NOL4: variants seen among roughly 807,000 people sequenced by gnomAD.
The protein encoded by NOL4 is cancer/testis antigen 125.
In NOL4, 17 loss-of-function variants were observed where a neutral mutation model predicts 75.9. That is an observed-to-expected ratio of 0.22 (90% CI 0.15 to 0.34). The LOEUF is 0.34. Ranked by LOEUF, NOL4 falls within the 10% of genes least tolerant of loss-of-function variation. The pLI is 1.00. For synonymous variants in NOL4, 292 were observed against 289.9 expected, an observed-to-expected ratio of 1.01 and a Z score of -0.07; for missense variants, 614 against 793.5, an observed-to-expected ratio of 0.77 and a Z score of 2.72.
At chr18:33,892,649 C>CCTTCTT (rs112516019) in intron 9 of NOL4, among the ~76,000 whole-genome samples, 4 of 150,472 alleles carry the variant, frequency 2.7e-5, no homozygotes, top group Admixed American at 2.0e-4. Flanking sequence ...TTCTCCTTCT[C>CCTTCTT]CTTCTTCTTC....
In NOL4 at chr18:34,200,322, G is replaced by T. The variant is rs1216442997; in HGVS notation, c.264+22668C>A. ...ACGTGCCTCATAAAGAGATGAAATT[G>T]TCTCAGTACCGGTGCCAGATCGTAA... On this transcript the variant is annotated intron_variant, in intron 1 of 10. Coordinates refer to ENST00000261592, the MANE Select transcript of NOL4 (RefSeq NM_003787.5). 2.6e-5 allele frequency among the ~76,000 whole-genome samples: 4 copies of T among 151,848 alleles called. No homozygotes were observed. The East Asian group carries it at 5.8e-4, about 22-fold the overall frequency.
rs935943674 is a variant in NOL4, at chr18:34,057,559, C to A, written c.772+35906G>T. 2.6e-5 allele frequency among the ~76,000 whole-genome samples: 4 copies of A among 152,056 alleles called. No individual in the cohort carries two copies. In the East Asian group the frequency reaches 7.7e-4, roughly 29 times the overall value. ...CCTATCAGTGGCATCTGCTGTTGCC[C>A]TGAAAGATCTGTGATCTATCTTTAT... On this transcript the variant is annotated intron_variant, in intron 5 of 10. Transcript: ENST00000261592.
chr18:34,020,862 GA>G (rs1026334223), intron 5 of NOL4, among the ~76,000 whole-genome samples: 7 of 152,026 alleles, frequency 4.6e-5, no homozygotes, highest in African/African-American at 1.7e-4. Flanking sequence ...AATTATGATG[GA>G]AAAGGTATTA....
intron 1 of NOL4, among the ~76,000 whole-genome samples, chr18:34,170,384 G>A (rs775610077): frequency 6.6e-6 from 1 of 151,682 alleles, no homozygotes; most frequent in East Asian, 1.9e-4. Context: ...AGAGAGATGG[G>A]TTTCACCATG....
chr18:34,217,797 T>C (rs749600469), intron 1 of NOL4, among the ~76,000 whole-genome samples: 19 of 152,076 alleles, frequency 1.2e-4, no homozygotes, highest in Non-Finnish European at 1.3e-4. Context: ...TATGCATATA[T>C]AGTATATGTT....
At chr18:34,102,800 G>GTT (rs150015654) in intron 4 of NOL4, among the ~76,000 whole-genome samples, 3 of 150,956 alleles carry the variant, frequency 2.0e-5, no homozygotes, top group Non-Finnish European at 3.0e-5. Flanking sequence ...CATGAAGATA[G>GTT]TTTTTTTTTA....
At chr18:33,981,653 A>G (rs766589247) in intron 6 of NOL4, among the ~76,000 whole-genome samples, 11 of 152,130 alleles carry the variant, frequency 7.2e-5, no homozygotes, top group Non-Finnish European at 1.2e-4. Context: ...AGAATGTGTT[A>G]CCAGGAGACC....
rs952803756 is a variant in NOL4, at chr18:33,950,319, T to C, written c.1428+7007A>G. The stretch of plus-strand genomic sequence containing the variant: ...AAAAACTCGCTAAACATTTAAAATA[T>C]ATTAGGCTATATTTTCAGTTAGTAG... On this transcript the variant is annotated intron_variant, in intron 8 of 10. Coordinates refer to ENST00000261592, the MANE Select transcript of NOL4 (RefSeq NM_003787.5). Among the ~76,000 whole-genome samples, 11 of 152,042 alleles carry C rather than the reference T, an allele frequency of 7.2e-5. 1 individual carries two copies. Among genetic ancestry groups the C allele is most frequent in the Admixed American group, 2.6e-4 (4 of 15,248 alleles).
intron 2 of NOL4, among the ~76,000 whole-genome samples, chr18:34,113,189 A>G (rs974727557): frequency 1.3e-5 from 2 of 152,060 alleles, no homozygotes; most frequent in African/African-American, 4.8e-5. Flanking sequence ...CATGTTGCCC[A>G]GTCTGGTCTT....
intron 1 of NOL4, among the ~76,000 whole-genome samples, chr18:34,135,780 G>A (rs1401376844): frequency 6.6e-6 from 1 of 150,724 alleles, no homozygotes; most frequent in Non-Finnish European, 1.5e-5. Context: ...AGAATCAATG[G>A]AATTCATCAC....
intron 6 of NOL4, among the ~76,000 whole-genome samples, chr18:33,963,808 A>G (rs933270083): frequency 6.6e-6 from 1 of 152,158 alleles, no homozygotes; most frequent in South Asian, 2.1e-4. Context: ...TGCCAGCATT[A>G]GGCCTTGAAA....
intron 6 of NOL4, among the ~76,000 whole-genome samples, chr18:33,993,551 C>A (rs546622170): frequency 9.2e-5 from 14 of 151,880 alleles, no homozygotes; most frequent in African/African-American, 3.4e-4. Flanking sequence ...ACAACAACAA[C>A]AAAACCCTAA....
At chr18:34,187,841 T>G (rs923503688) in intron 1 of NOL4, among the ~76,000 whole-genome samples, 2 of 152,220 alleles carry the variant, frequency 1.3e-5, no homozygotes, top group African/African-American at 4.8e-5. Flanking sequence ...TCAACTCACT[T>G]GTGTAAATAC....
intron 10 of NOL4, among the ~76,000 whole-genome samples, chr18:33,855,171 T>A (rs1353133958): frequency 3.9e-5 from 6 of 152,042 alleles, no homozygotes; most frequent in Non-Finnish European, 7.4e-5. Flanking sequence ...TCTTCACTAC[T>A]ATGGGGTTGA....
At chr18:34,215,386 T>G (rs1411502837) in intron 1 of NOL4, among the ~76,000 whole-genome samples, 1 of 152,204 alleles carries the variant, frequency 6.6e-6, no homozygotes, top group Non-Finnish European at 1.5e-5. Flanking sequence ...GATTAAATCT[T>G]TCTTCAAAAT....
rs570744833 is a variant in NOL4, at chr18:34,077,492, T to G, written c.772+15973A>C. 2.0e-5 allele frequency among the ~76,000 whole-genome samples: 3 copies of G among 152,168 alleles called. No homozygotes were observed. In the East Asian group the frequency reaches 5.8e-4, roughly 29 times the overall value. On this transcript the variant is annotated intron_variant, in intron 5 of 10. Transcript: ENST00000261592. The stretch of plus-strand genomic sequence containing the variant: ...AAAAATGTGTATATATCCACACATA[T>G]GCATGTATATATATGTATACATATT...
intron 5 of NOL4, among the ~76,000 whole-genome samples, chr18:34,074,791 G>T (rs1375442153): frequency 6.6e-6 from 1 of 151,940 alleles, no homozygotes; most frequent in Non-Finnish European, 1.5e-5. Context: ...TTCTGTTATT[G>T]TTCCAATACA....
At position 33,851,958 on chromosome 18, in the gene NOL4, C is replaced by G. The variant is rs541253547; in HGVS notation, c.*884G>C. The G allele has an allele frequency of 4.6e-4, 70 of 152,446 alleles. No homozygotes were observed. The highest frequency in any genetic ancestry group is 1.7e-3 in the African/African-American group (69 of 41,470). The allele number at this position is 152,446 out of a possible 1,614,324, so 9.4% of individuals were successfully genotyped here. A position where few individuals can be genotyped will look rare whatever the true frequency, so the allele number is the denominator to read the frequency against. ...GTGCTGCTAGAGGGATGCCTGGAGA[C>G]AGCAGCGGCAATCAGGAACGAGCAG... On this transcript the variant is annotated 3_prime_UTR_variant, in exon 11 of 11. Transcript: ENST00000261592.
At chr18:34,033,295 A>C (rs969493944) in intron 5 of NOL4, among the ~76,000 whole-genome samples, 9 of 152,160 alleles carry the variant, frequency 5.9e-5, no homozygotes, top group African/African-American at 2.2e-4. Flanking sequence ...CTGAAAAACA[A>C]TTTAAAGAAA....
Sources: allele counts gnomAD v4.1 joint callset (sites outside exome capture counted in the v4.1 genomes callset), GRCh38; gene constraint gnomAD v4.1.1; transcripts MANE v1.5; gene names NCBI Gene and HGNC (gene_info 2026-07-23, HGNC 2026-07-21).